Variants in CCDC60 observed in about 807,000 individuals in gnomAD.
CCDC60 encodes the protein coiled-coil domain-containing protein 60.
In CCDC60, 54 loss-of-function variants were observed where a neutral mutation model predicts 63.5. The ratio of observed to expected loss-of-function variants is 0.85; its 90% CI spans 0.68 to 1.07. The LOEUF (loss-of-function observed/expected upper bound fraction) is 1.07. Ranked by LOEUF, CCDC60 falls within the 50% of genes least tolerant of loss-of-function variation. CCDC60 has a pLI of 0.00. For synonymous variants in CCDC60, 206 were observed against 238.8 expected (o/e 0.86, Z 1.27); for missense variants, 651 against 684.3 (o/e 0.95, Z 0.54).
intron 1 of CCDC60, 45 bp downstream of exon 1, chr12:119,335,311 G>C: frequency 7.0e-7 from 1 of 1,429,266 alleles, no homozygotes; most frequent in Non-Finnish European, 9.7e-7. Context: ...TCGAGAACAA[G>C]TGAAATAGGA....
chr12:119,423,013 G>A (rs140659268), intron 1 of CCDC60, among the ~76,000 whole-genome samples: 75 of 152,262 alleles, frequency 4.9e-4, no homozygotes, highest in African/African-American at 1.5e-3. Flanking sequence ...ATATGTTACC[G>A]GGGTAGGGAG....
At chr12:119,377,532 G>A (rs1955965771) in intron 1 of CCDC60, among the ~76,000 whole-genome samples, 1 of 152,230 alleles carries the variant, frequency 6.6e-6, no homozygotes, top group Non-Finnish European at 1.5e-5. Context: ...TCCCAAACCA[G>A]TTTTACTCCA....
Position 119,531,163 on chromosome 12 carries a change from C to T in CCDC60, c.1551+100C>T, listed in dbSNP as rs931076555. 5.6e-6 allele frequency: 6 copies of T among 1,073,066 alleles called. No homozygotes were observed. The Admixed American group carries it at 9.5e-5, about 17-fold the overall frequency. 66.5% of individuals were successfully genotyped at this position (1,073,066 alleles called of 1,614,324 possible). A position where few individuals can be genotyped will look rare whatever the true frequency, so the allele number is the denominator to read the frequency against. ...TTTAAGTGCTGGGGACACAAAGTCCCCTGCCTTTATGGAGCTCATATTCTA... is the reference window on the plus strand; with the variant it reads ...TTTAAGTGCTGGGGACACAAAGTCCTCTGCCTTTATGGAGCTCATATTCTA... On this transcript the variant is annotated intron_variant, in intron 13 of 13. Transcript: ENST00000327554.
At chr12:119,357,835 C>T (rs1400342319) in intron 1 of CCDC60, among the ~76,000 whole-genome samples, 1 of 152,174 alleles carries the variant, frequency 6.6e-6, no homozygotes, top group Non-Finnish European at 1.5e-5. Context: ...ATACCTGAGA[C>T]TGAATAATTT....
chr12:119,422,721 G>C (rs1209483196), intron 1 of CCDC60, among the ~76,000 whole-genome samples: 1 of 152,154 alleles, frequency 6.6e-6, no homozygotes, highest in African/African-American at 2.4e-5. Context: ...CATGAGATTT[G>C]GGTGGAGACA....
intron 2 of CCDC60, among the ~76,000 whole-genome samples, chr12:119,466,959 A>T (rs1472582838): frequency 6.6e-6 from 1 of 152,104 alleles, no homozygotes; most frequent in African/African-American, 2.4e-5. Flanking sequence ...CCATGGCAAC[A>T]CTCTGGGAGT....
rs1401840287 is a variant in CCDC60, at chr12:119,456,035, GAA to G, written c.171-15957_171-15956del. ...AGAAAGAAAGAAAGAAAGAAAGAAA[GAA>G]AGAAAGAAAGAAAGAAAGAAAGAAA... On this transcript the variant is annotated intron_variant, in intron 2 of 13. Coordinates refer to ENST00000327554, the MANE Select transcript of CCDC60 (RefSeq NM_178499.5). The surrounding 1 kb of genome is among the most constrained non-coding windows in gnomAD (Gnocchi z 4.6). Among the ~76,000 whole-genome samples, 3 of 143,766 alleles carry G rather than the reference GAA, an allele frequency of 2.1e-5. No individual in the cohort carries two copies. The highest frequency in any genetic ancestry group is 3.0e-5 in the Non-Finnish European group (2 of 65,896). 94.3% of individuals were successfully genotyped at this position (143,766 alleles called of 152,430 possible).
intron 1 of CCDC60, among the ~76,000 whole-genome samples, chr12:119,344,795 C>T (rs1955569438): frequency 6.7e-6 from 1 of 149,498 alleles, no homozygotes; most frequent in Admixed American, 6.7e-5. Flanking sequence ...TGCCTTATAT[C>T]TTCTTCCTCC....
chr12:119,376,027 A>G (rs1349416731), intron 1 of CCDC60, among the ~76,000 whole-genome samples: 3 of 152,220 alleles, frequency 2.0e-5, no homozygotes, highest in Non-Finnish European at 2.9e-5. Context: ...AGGTCACATT[A>G]TACCAAGAAA....
At chr12:119,365,179 C>T (rs938529001) in intron 1 of CCDC60, among the ~76,000 whole-genome samples, 1 of 152,190 alleles carries the variant, frequency 6.6e-6, no homozygotes, top group African/African-American at 2.4e-5. Context: ...TAGCAGGATT[C>T]GAACCCAGCT....
chr12:119,389,521 C>A (rs1250369354), intron 1 of CCDC60, among the ~76,000 whole-genome samples: 7 of 152,034 alleles, frequency 4.6e-5, no homozygotes, highest in African/African-American at 1.7e-4. Context: ...CGGTGGTCAC[C>A]TGCTTGCTCA....
intron 4 of CCDC60, among the ~76,000 whole-genome samples, chr12:119,484,909 G>A (rs114051826): frequency 6.6e-6 from 1 of 152,112 alleles, no homozygotes; most frequent in Non-Finnish European, 1.5e-5. Context: ...AAGTAATCAG[G>A]TAGTTACAGC....
intron 1 of CCDC60, among the ~76,000 whole-genome samples, chr12:119,368,254 AAAG>A (rs746888596): frequency 6.6e-6 from 1 of 151,784 alleles, no homozygotes; most frequent in Non-Finnish European, 1.5e-5. Context: ...AGAAGATAGA[AAAG>A]AAGAAGACGG....
chr12:119,360,902 G>A (rs1433579371), intron 1 of CCDC60, among the ~76,000 whole-genome samples: 10 of 152,310 alleles, frequency 6.6e-5, no homozygotes, highest in Admixed American at 5.9e-4. Context: ...GGGAGGCCGA[G>A]GCTGGCGGAT....
At chr12:119,425,260 G>A (rs1028299968) in intron 1 of CCDC60, among the ~76,000 whole-genome samples, 4 of 152,078 alleles carry the variant, frequency 2.6e-5, no homozygotes, top group African/African-American at 9.7e-5. Context: ...ATATAATGAG[G>A]TTCTCCAAAA....
At chr12:119,385,941 C>T (rs1451611477) in intron 1 of CCDC60, among the ~76,000 whole-genome samples, 3 of 152,216 alleles carry the variant, frequency 2.0e-5, no homozygotes, top group South Asian at 4.1e-4. Flanking sequence ...AACTCCTCCT[C>T]CAATTCCCAG....
chr12:119,520,976 T>G (rs1030524698), intron 9 of CCDC60, among the ~76,000 whole-genome samples: 1 of 152,248 alleles, frequency 6.6e-6, no homozygotes, highest in Admixed American at 6.5e-5. Flanking sequence ...TAAACTTTTA[T>G]GTGCCATAGA....
At chr12:119,483,910 G>A (rs569869953) in intron 4 of CCDC60, among the ~76,000 whole-genome samples, 14 of 149,972 alleles carry the variant, frequency 9.3e-5, no homozygotes, top group Admixed American at 4.6e-4. Flanking sequence ...AGAAAAGACC[G>A]ATTTCTATCA....
chr12:119,351,943 C>A (rs1261028905), intron 1 of CCDC60, among the ~76,000 whole-genome samples: 2 of 152,150 alleles, frequency 1.3e-5, no homozygotes, highest in African/African-American at 2.4e-5. Context: ...GCCTCACTCC[C>A]AGTATCAATT....
Sources: gnomAD v4.1 joint callset for allele counts (sites outside exome capture counted in the v4.1 genomes callset) on GRCh38, gnomAD v4.1.1 for gene constraint, Gnocchi (gnomAD v3.1) non-coding constraint, MANE v1.5 for transcripts, NCBI Gene and HGNC (gene_info 2026-07-23, HGNC 2026-07-21) for gene names.